GRM4: variants seen among roughly 807,000 people sequenced by gnomAD.
GRM4 encodes glutamate metabotropic receptor 4, also known as metabotropic glutamate receptor 4.
In GRM4, 28 loss-of-function variants were observed where a neutral mutation model predicts 81.7. The ratio of observed to expected loss-of-function variants is 0.34; its 90% CI spans 0.25 to 0.47. GRM4 has a LOEUF of 0.47. GRM4 is among the 20% of genes least tolerant of loss of function. The pLI is 1.00. For missense variants in GRM4, 948 were observed against 1,290.0 expected, an observed-to-expected ratio of 0.73 and a Z score of 4.06; for synonymous variants, 488 against 528.8, an observed-to-expected ratio of 0.92 and a Z score of 1.06.
chr6:34,085,452 C>T (rs1343297653), intron 3 of GRM4, among the ~76,000 whole-genome samples: 3 of 152,202 alleles, frequency 2.0e-5, no homozygotes, highest in Non-Finnish European at 4.4e-5. Flanking sequence ...GGAAGGGGAA[C>T]AGCCAGGGAG....
chr6:34,104,164 T>G (rs536361032), intron 2 of GRM4, among the ~76,000 whole-genome samples: 1 of 152,308 alleles, frequency 6.6e-6, no homozygotes, highest in Admixed American at 6.5e-5. Context: ...ATGATGACCT[T>G]AGGTCACACC....
intron 6 of GRM4, 122 bp downstream of exon 6, chr6:34,056,422 G>T: frequency 2.3e-6 from 2 of 872,032 alleles, no homozygotes; most frequent in Non-Finnish European, 3.5e-6. Flanking sequence ...AGGCCCAACT[G>T]CACGTCCTGC....
intron 3 of GRM4, among the ~76,000 whole-genome samples, chr6:34,075,165 G>A (rs745426806): frequency 2.9e-4 from 44 of 151,890 alleles, no homozygotes; most frequent in Admixed American, 4.0e-4. Flanking sequence ...CTCTGTCCCC[G>A]CCTCAGGCCA....
chr6:34,072,811 CCACA>C (rs1413642694), intron 3 of GRM4, among the ~76,000 whole-genome samples: 17 of 64,972 alleles, frequency 2.6e-4, no homozygotes, highest in African/African-American at 9.3e-4. Flanking sequence ...CATATACACA[CCACA>C]CACAACCACA....
At chr6:34,037,563 C>A (rs1764775765) in intron 8 of GRM4, among the ~76,000 whole-genome samples, 1 of 151,914 alleles carries the variant, frequency 6.6e-6, no homozygotes, top group African/African-American at 2.4e-5. Flanking sequence ...GTGGGGAGGG[C>A]TTTAGAATAA....
At chr6:34,153,812 G>A (rs192528663) in intron 1 of GRM4, among the ~76,000 whole-genome samples, 6 of 152,118 alleles carry the variant, frequency 3.9e-5, no homozygotes, top group African/African-American at 9.6e-5. Flanking sequence ...CTGTAATCCC[G>A]GCTACTGGGG....
intron 6 of GRM4, among the ~76,000 whole-genome samples, chr6:34,052,184 G>GCA (rs1374808757): frequency 6.6e-6 from 1 of 152,124 alleles, no homozygotes; most frequent in Non-Finnish European, 1.5e-5. Context: ...GCCTGATGGG[G>GCA]CACACACACA....
chr6:34,021,483 T>C lies in GRM4; in HGVS notation c.*1338A>G, dbSNP rs1292599797. The C allele has an allele frequency of 6.6e-6, 1 of 152,262 alleles. No individual in the cohort carries two copies. The highest frequency in any genetic ancestry group is 2.4e-5 in the African/African-American group (1 of 41,364). The allele number at this position is 152,262 out of a possible 1,614,324, so 9.4% of individuals were successfully genotyped here. A position where few individuals can be genotyped will look rare whatever the true frequency, so the allele number is the denominator to read the frequency against. ...TGGCTGGAAGGAGAGAGGCACAGGTTATGGGGGCAGGGGTGGAAGGGCAGT... is the reference window on the plus strand; with the variant it reads ...TGGCTGGAAGGAGAGAGGCACAGGTCATGGGGGCAGGGGTGGAAGGGCAGT... On this transcript the variant is annotated 3_prime_UTR_variant, in exon 11 of 11. Transcript: ENST00000538487. This position sits in a 1 kb window ranked among gnomAD's most constrained non-coding sequence, Gnocchi z 5.3.
chr6:34,076,033 T>A (rs1289845019), intron 3 of GRM4, among the ~76,000 whole-genome samples: 1 of 152,178 alleles, frequency 6.6e-6, no homozygotes, highest in Non-Finnish European at 1.5e-5. Context: ...TCAGCTCCAC[T>A]CCATGGCAGG....
At chr6:34,039,461 C>T (rs911551341) in intron 8 of GRM4, among the ~76,000 whole-genome samples, 1 of 152,048 alleles carries the variant, frequency 6.6e-6, no homozygotes, top group Non-Finnish European at 1.5e-5. Context: ...GGTTATGGCT[C>T]ACCCCTTCCC....
At chr6:34,093,780 C>T (rs1768370116) in intron 2 of GRM4, among the ~76,000 whole-genome samples, 1 of 152,218 alleles carries the variant, frequency 6.6e-6, no homozygotes. Flanking sequence ...CCCAGCTGGC[C>T]CGCTCTCCGC....
intron 2 of GRM4, among the ~76,000 whole-genome samples, chr6:34,095,883 C>T (rs906105930): frequency 2.0e-5 from 3 of 152,206 alleles, no homozygotes; most frequent in Non-Finnish European, 1.5e-5. Context: ...GCCACGTCTG[C>T]GTCTAAGCAG....
At chr6:34,154,451 C>T (rs1581748876) in intron 1 of GRM4, among the ~76,000 whole-genome samples, 1 of 152,164 alleles carries the variant, frequency 6.6e-6, no homozygotes, top group Non-Finnish European at 1.5e-5. Flanking sequence ...GTCTGCCTTC[C>T]CAGACCGGAA....
Position 34,089,843 on chromosome 6 carries a change from T to C in GRM4, c.736+2040A>G, listed in dbSNP as rs1001778984. On this transcript the variant is annotated intron_variant, in intron 3 of 10. Coordinates refer to ENST00000538487, the MANE Select transcript of GRM4 (RefSeq NM_000841.4). This position sits in a 1 kb window ranked among gnomAD's most constrained non-coding sequence, Gnocchi z 4.3. Reference sequence around the variant, plus strand: ...ATGCCTCTCCTGTCCCTCCAGGCTGTGTGTACATGGGTGTGCCTGTGTGTC... The same window carrying C: ...ATGCCTCTCCTGTCCCTCCAGGCTGCGTGTACATGGGTGTGCCTGTGTGTC... Among the ~76,000 whole-genome samples, 3 of 152,062 alleles carry C rather than the reference T, an allele frequency of 2.0e-5. No individual in the cohort carries two copies. Among genetic ancestry groups the C allele is most frequent in the Non-Finnish European group, 4.4e-5 (3 of 67,984 alleles).
rs1022931800 is a variant in GRM4 at position 34,042,555 on chromosome 6, A to T, written c.1169-1807T>A. Among the ~76,000 whole-genome samples, 2 of 152,184 alleles carry T rather than the reference A, an allele frequency of 1.3e-5. No individual in the cohort carries two copies. The highest frequency in any genetic ancestry group is 2.9e-5 in the Non-Finnish European group (2 of 68,028). On this transcript the variant is annotated intron_variant, in intron 6 of 10. Coordinates refer to ENST00000538487, the MANE Select transcript of GRM4 (RefSeq NM_000841.4). This position sits in a 1 kb window ranked among gnomAD's most constrained non-coding sequence, Gnocchi z 4.2. ...CATGGCCTTCTTCCTCAAGGACAGG[A>T]CGAGGAAATTACTCCTCCTATCATT...
chr6:34,102,745 C>T (rs1430873672), intron 2 of GRM4, among the ~76,000 whole-genome samples: 5 of 152,254 alleles, frequency 3.3e-5, no homozygotes, highest in Non-Finnish European at 7.3e-5. Context: ...TGCCACAGGA[C>T]AGGCATTCAT....
Position 34,040,545 on chromosome 6 carries a change from C to A in GRM4, c.1369+3G>T. 2.5e-6 allele frequency: 4 copies of A among 1,611,046 alleles called. No homozygotes were observed. Among genetic ancestry groups the A allele is most frequent in the Non-Finnish European group, 3.4e-6 (4 of 1,178,396 alleles). On this transcript the variant is annotated splice_donor_region_variant and intron_variant, in intron 7 of 10. Transcript: ENST00000538487. Reference sequence around the variant, plus strand: ...TCAGGCACAGTCCGCACCACACCCCCACCTGAGAAGTTGACGTTTCGGATG... The same window carrying A: ...TCAGGCACAGTCCGCACCACACCCCAACCTGAGAAGTTGACGTTTCGGATG...
Position 34,036,559 on chromosome 6 carries a change from GC to G in GRM4, c.1550del (p.Arg517ProfsTer17). 6.2e-7 allele frequency: 1 copy of G among 1,603,722 alleles called. No homozygotes were observed. On this transcript the variant is annotated frameshift_variant, in exon 9 of 11. Coordinates refer to ENST00000538487, the MANE Select transcript of GRM4 (RefSeq NM_000841.4). LOFTEE classifies it high-confidence loss of function. This position sits in a 1 kb window ranked among gnomAD's most constrained non-coding sequence, Gnocchi z 9.0. ...GTTGGCAGGGCAGGCTGCAGATGGA[GC>G]GGGGCAGCTGCTGCCCGCTCCCCGG... ...HWPGSGQQLPRSICSLPCQPG... is the reference protein window; with the variant it reads ...HWPGSGQQLPXSICSLPCQPG...
In GRM4 at chr6:34,092,183, C is replaced by A; in HGVS notation, c.520-84G>T. The A allele has an allele frequency of 1.2e-6, 1 of 859,506 alleles. No individual in the cohort carries two copies. Among genetic ancestry groups the A allele is most frequent in the East Asian group, 2.5e-5 (1 of 39,322 alleles). 53.2% of individuals were successfully genotyped at this position (859,506 alleles called of 1,614,324 possible). A position where few individuals can be genotyped will look rare whatever the true frequency, so the allele number is the denominator to read the frequency against. On this transcript the variant is annotated intron_variant, in intron 2 of 10. Coordinates refer to ENST00000538487, the MANE Select transcript of GRM4 (RefSeq NM_000841.4). The surrounding 1 kb of genome is among the most constrained non-coding windows in gnomAD (Gnocchi z 6.8). Reference sequence around the variant, plus strand: ...CCCCATTCCCCTACACACCAACCTCCCTTTGGTCCCCACAGCCTTGGGACC... The same window carrying A: ...CCCCATTCCCCTACACACCAACCTCACTTTGGTCCCCACAGCCTTGGGACC...
Sources: gnomAD v4.1 joint callset for allele counts (sites outside exome capture counted in the v4.1 genomes callset) on GRCh38, gnomAD v4.1.1 for gene constraint, Gnocchi (gnomAD v3.1) non-coding constraint, MANE v1.5 for transcripts, NCBI Gene and HGNC (gene_info 2026-07-23, HGNC 2026-07-21) for gene names.